LARP1B: variants seen among roughly 807,000 people sequenced by gnomAD.
LARP1B encodes the protein la-related protein 1B.
Under a neutral mutation model 114.2 loss-of-function variants are expected in LARP1B, and 76 were observed. That is an observed-to-expected ratio of 0.67 (90% confidence interval 0.55 to 0.81). The LOEUF is 0.81. Ranked by LOEUF, LARP1B falls within the 30% of genes least tolerant of loss-of-function variation. The pLI is 0.00. For synonymous variants in LARP1B, 345 were observed against 348.0 expected, an observed-to-expected ratio of 0.99 and a Z score of 0.10; for missense variants, 1,014 against 1,075.8, an observed-to-expected ratio of 0.94 and a Z score of 0.80.
At chr4:128,136,824 ACTC>A (rs1725522637) in intron 11 of LARP1B, among the ~76,000 whole-genome samples, 1 of 151,564 alleles carries the variant, frequency 6.6e-6, no homozygotes, top group Non-Finnish European at 1.5e-5. Flanking sequence ...CTGGTCTTGA[ACTC>A]CTGGCCTCAA....
intron 15 of LARP1B, among the ~76,000 whole-genome samples, chr4:128,190,717 A>AT (rs1345068402): frequency 1.3e-5 from 2 of 152,174 alleles, no homozygotes; most frequent in Non-Finnish European, 2.9e-5. Flanking sequence ...CTCCCCAGCC[A>AT]TGTGGAACTG....
intron 5 of LARP1B, among the ~76,000 whole-genome samples, chr4:128,089,474 T>G (rs1775000764): frequency 6.6e-6 from 1 of 151,632 alleles, no homozygotes; most frequent in Non-Finnish European, 1.5e-5. Flanking sequence ...TAGCTGGGAT[T>G]ACCGGCGCCC....
At chr4:128,192,365 A>G (rs962259760) in intron 15 of LARP1B, among the ~76,000 whole-genome samples, 1 of 152,208 alleles carries the variant, frequency 6.6e-6, no homozygotes, top group African/African-American at 2.4e-5. Context: ...TCCTTGAATT[A>G]TGATGTGGTT....
At position 128,098,289 on chromosome 4, in the gene LARP1B, C is replaced by T. The variant is rs1778795993; in HGVS notation, c.772C>T (p.Arg258Cys). The change falls in exon 8 of 20, where the codon CGT becomes TGT. Residue 258 changes from arginine to cysteine, a missense_variant. Arg to Cys is a radical substitution (Grantham distance 180, BLOSUM62 -3). Transcript: ENST00000326639. ...LPISLIAGFQ[R>C]VQALTTNLNL... ...TATTTCCCTGATTGCTGGTTTTCAG[C>T]GTGTTCAGGCTCTCACTACAAACCT... The T allele has an allele frequency of 1.2e-6, 2 of 1,613,610 alleles. No homozygotes were observed. Among genetic ancestry groups the T allele is most frequent in the Admixed American group, 1.7e-5 (1 of 60,002 alleles).
At chr4:128,113,332 C>A (rs1356258477) in intron 9 of LARP1B, among the ~76,000 whole-genome samples, 1 of 148,696 alleles carries the variant, frequency 6.7e-6, no homozygotes. Flanking sequence ...GATTTTTTTT[C>A]TTTTTCTTTT....
At chr4:128,206,939 G>A in intron 18 of LARP1B, 3 of 642,028 alleles carry the variant, frequency 4.7e-6, no homozygotes, top group Non-Finnish European at 5.8e-6. Context: ...TAGAAGCTAT[G>A]TGATTGTGGG....
intron 1 of LARP1B, chr4:128,061,760 AG>A: frequency 1.0e-6 from 1 of 984,816 alleles, no homozygotes; most frequent in Non-Finnish European, 1.2e-6. Context: ...GACTGCTGAG[AG>A]GGAGTCGCTG....
intron 15 of LARP1B, among the ~76,000 whole-genome samples, chr4:128,190,420 C>T (rs943347640): frequency 5.3e-5 from 8 of 152,128 alleles, no homozygotes; most frequent in Non-Finnish European, 1.2e-4. Context: ...TTGGGATACT[C>T]TTATTTGGAT....
intron 7 of LARP1B, among the ~76,000 whole-genome samples, chr4:128,096,607 T>A (rs1203141120): frequency 1.3e-5 from 2 of 152,034 alleles, no homozygotes; most frequent in African/African-American, 2.4e-5. Context: ...TTTCTTTTTT[T>A]TTTTTCTGTT....
At chr4:128,128,778 A>G (rs1790484230) in intron 11 of LARP1B, among the ~76,000 whole-genome samples, 1 of 152,174 alleles carries the variant, frequency 6.6e-6, no homozygotes, top group South Asian at 2.1e-4. Context: ...AAAACACAAT[A>G]CAATTTACAT....
chr4:128,205,680 C>G (rs1757380757), intron 17 of LARP1B, among the ~76,000 whole-genome samples: 1 of 89,746 alleles, frequency 1.1e-5, no homozygotes, highest in Non-Finnish European at 3.1e-5. Context: ...GGATCTAGGG[C>G]ACAGCCGTAC....
At chr4:128,150,712 C>G (rs1561418455) in intron 11 of LARP1B, among the ~76,000 whole-genome samples, 1 of 151,564 alleles carries the variant, frequency 6.6e-6, no homozygotes, top group Non-Finnish European at 1.5e-5. Flanking sequence ...CTGGGCAAGA[C>G]AGCAAGACTC....
At chr4:128,087,660 C>T (rs1169482315) in intron 5 of LARP1B, among the ~76,000 whole-genome samples, 3 of 152,046 alleles carry the variant, frequency 2.0e-5, no homozygotes, top group Non-Finnish European at 4.4e-5. Flanking sequence ...TTCCTAGTAC[C>T]ATCTAAAATC....
At chr4:128,083,249 T>C (rs998619962) in intron 5 of LARP1B, among the ~76,000 whole-genome samples, 13 of 152,164 alleles carry the variant, frequency 8.5e-5, no homozygotes, top group Admixed American at 7.2e-4. Flanking sequence ...ATCCGATTTC[T>C]CAATCTTTTC....
At chr4:128,200,450 T>C (rs1420562990) in intron 16 of LARP1B, 71 bp from the exon 17 acceptor site, 3 of 987,908 alleles carry the variant, frequency 3.0e-6, no homozygotes, top group Non-Finnish European at 2.8e-6. Context: ...CTTCATTTTA[T>C]ATATAACATC....
At chr4:128,166,966 C>CTATA (rs1264850222) in intron 12 of LARP1B, among the ~76,000 whole-genome samples, 62 of 87,874 alleles carry the variant, frequency 7.1e-4, no homozygotes, top group African/African-American at 2.1e-3. Context: ...CTCTCTCTCT[C>CTATA]TCTCTATATA....
chr4:128,131,914 G>A (rs1358622642), intron 11 of LARP1B, among the ~76,000 whole-genome samples: 2 of 152,178 alleles, frequency 1.3e-5, no homozygotes, highest in Non-Finnish European at 2.9e-5. Flanking sequence ...ATACTGACAA[G>A]TGTGAGGAAA....
chr4:128,118,717 A>G (rs1343484513), intron 10 of LARP1B, among the ~76,000 whole-genome samples: 1 of 151,616 alleles, frequency 6.6e-6, no homozygotes, highest in Admixed American at 6.6e-5. Flanking sequence ...TATTTTCATT[A>G]TTTCCATCAT....
intron 1 of LARP1B, among the ~76,000 whole-genome samples, chr4:128,064,534 A>G (rs535504908): frequency 6.6e-6 from 1 of 152,216 alleles, no homozygotes; most frequent in African/African-American, 2.4e-5. Flanking sequence ...TAAAGAGAAC[A>G]TGGTTAAGTG....
Sources: allele counts gnomAD v4.1 joint callset (sites outside exome capture counted in the v4.1 genomes callset), GRCh38; gene constraint gnomAD v4.1.1; transcripts MANE v1.5; gene names NCBI Gene and HGNC (gene_info 2026-07-23, HGNC 2026-07-21).